The following EYA2 variants were observed in gnomAD, a reference collection of about 807,000 sequenced individuals.
The protein encoded by EYA2 is EYA transcriptional coactivator and phosphatase 2.
A neutral mutation model predicts 69.2 loss-of-function variants in EYA2; 31 were observed. The observed-to-expected ratio is 0.45, with a 90% CI of 0.34 to 0.60. EYA2 has a LOEUF of 0.60. Ranked by LOEUF, EYA2 falls within the 20% of genes least tolerant of loss-of-function variation. The pLI is 0.02. For missense variants in EYA2, 622 were observed against 701.2 expected (o/e 0.89, Z 1.28); for synonymous variants, 257 against 279.4 (o/e 0.92, Z 0.80).
intron 9 of EYA2, among the ~76,000 whole-genome samples, chr20:47,108,319 C>T (rs2032649429): frequency 6.6e-6 from 1 of 152,142 alleles, no homozygotes; most frequent in African/African-American, 2.4e-5. Context: ...TGGCAGCTCC[C>T]TCCACTCTCT....
At chr20:46,998,413 G>A (rs1342418594) in intron 2 of EYA2, 1 of 152,280 alleles carries the variant, frequency 6.6e-6, no homozygotes, top group Non-Finnish European at 1.5e-5. Flanking sequence ...CTACTTCCTG[G>A]TACTGTGATG....
chr20:46,906,051 T>A (rs1984338264), intron 1 of EYA2, among the ~76,000 whole-genome samples: 1 of 152,222 alleles, frequency 6.6e-6, no homozygotes, highest in Non-Finnish European at 1.5e-5. Flanking sequence ...TAACTTGAAA[T>A]GTACATGGAC....
chr20:46,995,965 A>AG (rs759463084), intron 2 of EYA2, among the ~76,000 whole-genome samples: 2 of 152,256 alleles, frequency 1.3e-5, no homozygotes, highest in Non-Finnish European at 2.9e-5. Flanking sequence ...GAAGAGGTGA[A>AG]GGACACAAGG....
intron 1 of EYA2, among the ~76,000 whole-genome samples, chr20:46,970,277 T>C (rs1261177803): frequency 6.6e-6 from 1 of 152,268 alleles, no homozygotes; most frequent in Non-Finnish European, 1.5e-5. Flanking sequence ...TCCATTTCAC[T>C]ACTGTCCTCT....
intron 9 of EYA2, among the ~76,000 whole-genome samples, chr20:47,112,428 T>C (rs1192970685): frequency 6.6e-6 from 1 of 152,222 alleles, no homozygotes; most frequent in Admixed American, 6.5e-5. Context: ...TGGAACTTTT[T>C]GAGCATTTGA....
chr20:47,091,617 C>T (rs894240076), intron 8 of EYA2, among the ~76,000 whole-genome samples: 21 of 148,354 alleles, frequency 1.4e-4, no homozygotes, highest in African/African-American at 4.2e-4. Context: ...TGGTGGCACA[C>T]ACCTGTAGTC....
At chr20:46,931,056 TC>T (rs1985647838) in intron 1 of EYA2, among the ~76,000 whole-genome samples, 1 of 152,148 alleles carries the variant, frequency 6.6e-6, no homozygotes, top group Non-Finnish European at 1.5e-5. Context: ...GGAGTCAAAC[TC>T]ACCTCCAATT....
intron 1 of EYA2, among the ~76,000 whole-genome samples, chr20:46,898,422 C>G (rs1474745172): frequency 2.0e-5 from 3 of 147,302 alleles, no homozygotes; most frequent in Non-Finnish European, 4.5e-5. Flanking sequence ...CACACACACA[C>G]ACCACAATTC....
At chr20:47,124,189 G>A (rs1020675140) in intron 9 of EYA2, among the ~76,000 whole-genome samples, 1 of 152,158 alleles carries the variant, frequency 6.6e-6, no homozygotes, top group Admixed American at 6.5e-5. Context: ...GTGAGGTCCT[G>A]CTCATTTTAT....
At chr20:46,994,367 G>A (rs1981879149) in intron 2 of EYA2, among the ~76,000 whole-genome samples, 1 of 152,204 alleles carries the variant, frequency 6.6e-6, no homozygotes, top group Non-Finnish European at 1.5e-5. Flanking sequence ...CTGGGAAGGG[G>A]TGGTGGGGAG....
chr20:47,181,086 A>G (rs1600777412), intron 14 of EYA2, 150 bp downstream of exon 14: 4 of 1,078,170 alleles, frequency 3.7e-6, no homozygotes, highest in African/African-American at 3.2e-5. Flanking sequence ...AACAGCCCCC[A>G]TAGACCACAT....
chr20:47,172,603 C>T, intron 11 of EYA2, 104 bp from the exon 12 acceptor site: 5 of 1,235,454 alleles, frequency 4.0e-6, no homozygotes, highest in South Asian at 3.1e-5. Context: ...GGCTCATGGA[C>T]ACCCAAAAGC....
chr20:47,061,603 G>C (rs984790072), intron 5 of EYA2, among the ~76,000 whole-genome samples: 15 of 152,100 alleles, frequency 9.9e-5, no homozygotes, highest in Non-Finnish European at 2.9e-5. Flanking sequence ...CTAATTCACA[G>C]TTGGTTCACC....
intron 1 of EYA2, among the ~76,000 whole-genome samples, chr20:46,967,656 A>G (rs1365833501): frequency 6.6e-6 from 1 of 152,136 alleles, no homozygotes; most frequent in Non-Finnish European, 1.5e-5. Context: ...TACCAGGTAA[A>G]ATGCTGGTAT....
intron 1 of EYA2, among the ~76,000 whole-genome samples, chr20:46,937,965 C>T (rs1600561366): frequency 6.6e-6 from 1 of 152,156 alleles, no homozygotes; most frequent in African/African-American, 2.4e-5. Flanking sequence ...GCTGTGTATA[C>T]ATCAATCCAC....
At chr20:47,139,379 G>A (rs1029786662) in intron 9 of EYA2, among the ~76,000 whole-genome samples, 2 of 152,120 alleles carry the variant, frequency 1.3e-5, no homozygotes, top group East Asian at 1.9e-4. Flanking sequence ...TTCCTGCCCA[G>A]GGGCAACAAC....
At chr20:46,985,872 A>G (rs923417250) in intron 1 of EYA2, among the ~76,000 whole-genome samples, 3 of 152,160 alleles carry the variant, frequency 2.0e-5, no homozygotes, top group Admixed American at 1.3e-4. Context: ...GGGAGTGGGG[A>G]AAACAATTCA....
chr20:46,970,948 C>CG (rs1555807813), intron 1 of EYA2, among the ~76,000 whole-genome samples: 4 of 151,958 alleles, frequency 2.6e-5, no homozygotes, highest in Non-Finnish European at 5.9e-5. Flanking sequence ...AATACTATGA[C>CG]GGGGGAAATA....
At chr20:47,181,581 T>C (rs2034538818) in intron 14 of EYA2, among the ~76,000 whole-genome samples, 1 of 152,054 alleles carries the variant, frequency 6.6e-6, no homozygotes, top group Non-Finnish European at 1.5e-5. Flanking sequence ...AGATCATAGC[T>C]CACTACAGCC....
Sources: gnomAD v4.1 joint callset for allele counts (sites outside exome capture counted in the v4.1 genomes callset) on GRCh38, gnomAD v4.1.1 for gene constraint, MANE v1.5 for transcripts, NCBI Gene and HGNC (gene_info 2026-07-23, HGNC 2026-07-21) for gene names.